KIF13A: variants seen among roughly 807,000 people sequenced by gnomAD.
The protein encoded by KIF13A is kinesin-like protein KIF13A.
Under a neutral mutation model 212.2 loss-of-function variants are expected in KIF13A, and 79 were observed. That is an observed-to-expected ratio of 0.37 (90% CI 0.31 to 0.45). KIF13A has a LOEUF of 0.45. Ranked by LOEUF, KIF13A falls within the 20% of genes least tolerant of loss-of-function variation. The pLI is 1.00. For missense variants in KIF13A, 1,901 were observed against 2,209.0 expected (o/e 0.86, Z 2.79); for synonymous variants, 789 against 808.6 (o/e 0.98, Z 0.41).
At chr6:17,940,324 G>A (rs1389128632) in intron 2 of KIF13A, among the ~76,000 whole-genome samples, 1 of 152,126 alleles carries the variant, frequency 6.6e-6, no homozygotes, top group Non-Finnish European at 1.5e-5. Context: ...ATCCGTGGTG[G>A]GTCCTGAGCT....
At position 17,804,403 on chromosome 6, in the gene KIF13A, C is replaced by T; in HGVS notation, c.2412G>A (p.Val804=). ...NVFLECLFCD[V]KLQYAVPIIS... ...TGATAGGGACTGCATACTGAAGTTT[C>T]ACATCACAGAAGAGGCATTCCAAGA... Residue 804 remains valine, a synonymous_variant, in exon 20 of 39, where the codon GTG becomes GTA. Transcript: ENST00000259711. The T allele has an allele frequency of 6.4e-7, 1 of 1,555,274 alleles. No homozygotes were observed. The highest frequency in any genetic ancestry group is 8.7e-7 in the Non-Finnish European group (1 of 1,148,686).
chr6:17,896,822 G>A (rs187867379), intron 3 of KIF13A, among the ~76,000 whole-genome samples: 20 of 152,232 alleles, frequency 1.3e-4, no homozygotes, highest in African/African-American at 2.6e-4. Context: ...GTGGAGTTGC[G>A]CAGTATTTCA....
At chr6:17,812,524 T>C (rs569630673) in intron 17 of KIF13A, 2 of 152,360 alleles carry the variant, frequency 1.3e-5, no homozygotes, top group African/African-American at 2.4e-5. Context: ...TTGTTTTTCA[T>C]GGCTGCATAG....
At chr6:17,978,764 T>C (rs550964457) in intron 2 of KIF13A, among the ~76,000 whole-genome samples, 1 of 152,340 alleles carries the variant, frequency 6.6e-6, no homozygotes, top group African/African-American at 2.4e-5. Context: ...CTTAAAAATA[T>C]GAGTATATGG....
At chr6:17,873,615 G>A (rs1054222099) in intron 3 of KIF13A, among the ~76,000 whole-genome samples, 178 bp from the exon 4 acceptor site, 1 of 151,778 alleles carries the variant, frequency 6.6e-6, no homozygotes, top group Non-Finnish European at 1.5e-5. Context: ...CTCTTTTTTG[G>A]GGGACAGGGT....
In KIF13A at chr6:17,809,627, C is replaced by T. The variant is rs1442907142; in HGVS notation, c.2001-697G>A. Among the ~76,000 whole-genome samples, 3 of 152,090 alleles carry T rather than the reference C, an allele frequency of 2.0e-5. No homozygotes were observed. The highest frequency in any genetic ancestry group is 4.4e-5 in the Non-Finnish European group (3 of 67,996). The stretch of plus-strand genomic sequence containing the variant: ...CAGGGACCATGTCTTTTTTTGCTTG[C>T]ACTACCCTAGCTCCTGGCCAAGTGC... On this transcript the variant is annotated intron_variant, in intron 17 of 38. Transcript: ENST00000259711. The surrounding 1 kb of genome is among the most constrained non-coding windows in gnomAD (Gnocchi z 4.7).
chr6:17,821,153 G>A (rs899948926), intron 16 of KIF13A, among the ~76,000 whole-genome samples: 1 of 152,086 alleles, frequency 6.6e-6, no homozygotes, highest in African/African-American at 2.4e-5. Context: ...GAGCCATTGC[G>A]CTTGGCAAAG....
At chr6:17,760,577 CAAAAAAA>C, downstream of KIF13A, 1 of 517,950 alleles carries the variant, frequency 1.9e-6, no homozygotes, top group Non-Finnish European at 3.5e-6. Flanking sequence ...GTAGTAAGTG[CAAAAAAA>C]AATACTGTCA....
chr6:17,928,186 A>G (rs1424828871), intron 2 of KIF13A, among the ~76,000 whole-genome samples: 1 of 152,248 alleles, frequency 6.6e-6, no homozygotes, highest in Non-Finnish European at 1.5e-5. Flanking sequence ...CATCTTCATC[A>G]GACTTTGCAC....
rs1486662473 is a variant in KIF13A, at chr6:17,898,150, T to G, written c.159+18A>C. On this transcript the variant is annotated intron_variant, in intron 3 of 38. Coordinates refer to ENST00000259711, the MANE Select transcript of KIF13A (RefSeq NM_022113.6). The surrounding 1 kb of genome is among the most constrained non-coding windows in gnomAD (Gnocchi z 5.2). ...ACACTAAGCCAGTATACATGCCAAA[T>G]TTCATATTAGTGCTTACCTTGGGAG... The G allele has an allele frequency of 6.2e-7, 1 of 1,612,416 alleles. No homozygotes were observed. Among genetic ancestry groups the G allele is most frequent in the Non-Finnish European group, 8.5e-7 (1 of 1,179,052 alleles).
chr6:17,883,440 A>AGT lies in KIF13A; in HGVS notation c.160-10004_160-10003insAC, dbSNP rs1771261212. On this transcript the variant is annotated intron_variant, in intron 3 of 38. Transcript: ENST00000259711. This position sits in a 1 kb window ranked among gnomAD's most constrained non-coding sequence, Gnocchi z 4.8. ...TCATGTAAATCTGTTTTCACATGTG[A>AGT]CATCTGCTTAAAATAGCACAGATCA... Among the ~76,000 whole-genome samples the AGT allele has an allele frequency of 6.6e-6, 1 of 152,208 alleles. No homozygotes were observed. The highest frequency in any genetic ancestry group is 2.4e-5 in the African/African-American group (1 of 41,448).
At chr6:17,906,744 T>C (rs1050551498) in intron 2 of KIF13A, among the ~76,000 whole-genome samples, 1 of 152,164 alleles carries the variant, frequency 6.6e-6, no homozygotes, top group Non-Finnish European at 1.5e-5. Flanking sequence ...TTAGCTACTA[T>C]GCCTGGCTGC....
intron 20 of KIF13A, among the ~76,000 whole-genome samples, chr6:17,800,700 A>C (rs1173552284): frequency 1.3e-5 from 2 of 151,480 alleles, no homozygotes; most frequent in African/African-American, 2.4e-5. Context: ...TCCTGGGTTC[A>C]AGCGGTTCTT....
In KIF13A at chr6:17,976,079, G is replaced by A. The variant is rs973490233; in HGVS notation, c.146+10975C>T. Among the ~76,000 whole-genome samples the A allele has an allele frequency of 2.0e-5, 3 of 152,258 alleles. No homozygotes were observed. The East Asian group carries it at 5.8e-4, about 29-fold the overall frequency. On this transcript the variant is annotated intron_variant, in intron 2 of 38. Coordinates refer to ENST00000259711, the MANE Select transcript of KIF13A (RefSeq NM_022113.6). ...TGGTGTATTTACAGTCCCTGAGCTA[G>A]ACATAAAGCTTCTCCACATCCTCAC...
intron 6 of KIF13A, among the ~76,000 whole-genome samples, chr6:17,852,488 C>T (rs550615095): frequency 5.3e-5 from 8 of 152,278 alleles, no homozygotes; most frequent in Admixed American, 1.3e-4. Flanking sequence ...AGCATGACCC[C>T]GGCTTACTAT....
intron 2 of KIF13A, among the ~76,000 whole-genome samples, chr6:17,907,107 G>C (rs1446556493): frequency 1.3e-5 from 2 of 152,148 alleles, no homozygotes; most frequent in Non-Finnish European, 2.9e-5. Flanking sequence ...TTCTAATTAT[G>C]TGCCAGATAG....
At chr6:17,953,214 A>T (rs1778031340) in intron 2 of KIF13A, among the ~76,000 whole-genome samples, 1 of 152,182 alleles carries the variant, frequency 6.6e-6, no homozygotes, top group Non-Finnish European at 1.5e-5. Flanking sequence ...TGTTAAGTTA[A>T]AAAAGCAGGT....
chr6:17,891,129 T>G (rs537188402), intron 3 of KIF13A, among the ~76,000 whole-genome samples: 19 of 152,338 alleles, frequency 1.2e-4, no homozygotes, highest in Admixed American at 8.5e-4. Flanking sequence ...GTCTCATGTT[T>G]GCCCAAAAGC....
At chr6:17,978,810 A>G (rs113876722) in intron 2 of KIF13A, among the ~76,000 whole-genome samples, 1,750 of 152,302 alleles carry the variant, frequency 0.011, 27 homozygotes, top group African/African-American at 0.04. Flanking sequence ...AGACAATTCA[A>G]GTTTTCCACT....
Sources: allele counts gnomAD v4.1 joint callset (sites outside exome capture counted in the v4.1 genomes callset), GRCh38; gene constraint gnomAD v4.1.1; non-coding constraint Gnocchi (gnomAD v3.1); transcripts MANE v1.5; gene names NCBI Gene and HGNC (gene_info 2026-07-23, HGNC 2026-07-21).